Variants in ZSCAN26 observed in about 807,000 individuals in gnomAD.
ZSCAN26 encodes zinc finger and SCAN domain containing 26.
In ZSCAN26, 26 loss-of-function variants were observed where a neutral mutation model predicts 23.0. The ratio of observed to expected loss-of-function variants is 1.13; its 90% CI spans 0.83 to 1.57. The LOEUF (loss-of-function observed/expected upper bound fraction) is 1.57. Ranked by LOEUF, ZSCAN26 falls within the 40% of genes most tolerant of loss-of-function variation. The probability of loss-of-function intolerance (pLI) is 0.00; values close to 1 mark genes in which losing one functional copy is unlikely to be tolerated. For missense variants in ZSCAN26, 528 were observed against 568.5 expected, an observed-to-expected ratio of 0.93 and a Z score of 0.72; for synonymous variants, 180 against 202.5, an observed-to-expected ratio of 0.89 and a Z score of 0.94.
chr6:28,275,935 G>C (rs1298018059), intron 3 of ZSCAN26, among the ~76,000 whole-genome samples: 3 of 152,062 alleles, frequency 2.0e-5, no homozygotes, highest in African/African-American at 7.2e-5. Flanking sequence ...TAGCTTCTCT[G>C]TGTGTGGTAT....
intron 3 of ZSCAN26, among the ~76,000 whole-genome samples, chr6:28,274,134 A>G (rs1019182451): frequency 6.8e-6 from 1 of 146,600 alleles, no homozygotes; most frequent in African/African-American, 2.5e-5. Context: ...TGCAGTTTCT[A>G]GTTTGCTTCT....
At chr6:28,273,016 G>A (rs973915061) in intron 3 of ZSCAN26, among the ~76,000 whole-genome samples, 1 of 152,200 alleles carries the variant, frequency 6.6e-6, no homozygotes, top group Non-Finnish European at 1.5e-5. Flanking sequence ...CAAGAGATAA[G>A]AGATATCTAT....
At chr6:28,274,524 G>C (rs1054345421) in intron 3 of ZSCAN26, among the ~76,000 whole-genome samples, 2 of 152,234 alleles carry the variant, frequency 1.3e-5, no homozygotes, top group East Asian at 3.8e-4. Context: ...AGGATTGCTT[G>C]AAGCCAGATG....
chr6:28,274,128 G>T (rs1188388809), intron 3 of ZSCAN26, among the ~76,000 whole-genome samples: 2 of 150,764 alleles, frequency 1.3e-5, no homozygotes, highest in Non-Finnish European at 3.0e-5. Context: ...TTATATTGCA[G>T]TTTCTAGTTT....
chr6:28,272,075 A>G lies in ZSCAN26; in HGVS notation c.156A>G (p.Lys52=), dbSNP rs1347645902. 1.3e-6 allele frequency: 2 copies of G among 1,565,736 alleles called. No individual in the cohort carries two copies. ...GCCTTGGACAGGAGCCATTGTGCAA[A>G]CAATTCAGGCAGTTGCGTTATGAAG... ...SKGLGQEPLC[K]QFRQLRYEET... Residue 52 remains lysine, a synonymous_variant, in exon 2 of 4, where the codon AAA becomes AAG. Transcript: ENST00000421553.
chr6:28,277,864 C>T lies in ZSCAN26; in HGVS notation c.*768C>T, dbSNP rs980152128. On this transcript the variant is annotated 3_prime_UTR_variant, in exon 4 of 4. Coordinates refer to ENST00000421553, the MANE Select transcript of ZSCAN26 (RefSeq NM_001023560.4). ...ATAGCAACTGTCTGACTTGATAACTCCAGTGCCAGTATAGTGGCTGCTGCA... is the reference window on the plus strand; with the variant it reads ...ATAGCAACTGTCTGACTTGATAACTTCAGTGCCAGTATAGTGGCTGCTGCA... 1 of 152,194 alleles carries T rather than the reference C, an allele frequency of 6.6e-6. No homozygotes were observed. Among genetic ancestry groups the T allele is most frequent in the Non-Finnish European group, 1.5e-5 (1 of 68,040 alleles). 9.4% of individuals were successfully genotyped at this position (152,194 alleles called of 1,614,324 possible).
Position 28,276,831 on chromosome 6 carries a change from C to A in ZSCAN26, c.1175C>A (p.Ser392Tyr). The A allele has an allele frequency of 6.2e-7, 1 of 1,613,906 alleles. No individual in the cohort carries two copies. Among genetic ancestry groups the A allele is most frequent in the Non-Finnish European group, 8.5e-7 (1 of 1,179,870 alleles). ...LTHHQRIHSHSKSHQCNECGK... is the reference protein window; with the variant it reads ...LTHHQRIHSHYKSHQCNECGK... The stretch of plus-strand genomic sequence containing the variant: ...CACCATCAGAGAATCCATAGTCACT[C>A]CAAAAGCCATCAATGTAACGAGTGT... Residue 392 changes from serine to tyrosine, a missense_variant, in exon 4 of 4, where the codon TCC becomes TAC. Physicochemically the swap from Ser to Tyr is moderately radical, Grantham distance 144 (BLOSUM62 -2). Transcript: ENST00000421553.
chr6:28,273,497 C>T (rs1190403063), intron 3 of ZSCAN26, among the ~76,000 whole-genome samples: 3 of 151,718 alleles, frequency 2.0e-5, no homozygotes, highest in African/African-American at 4.8e-5. Flanking sequence ...GCTGAGATCA[C>T]GCCACTACAC....
intron 1 of ZSCAN26, among the ~76,000 whole-genome samples, chr6:28,269,659 G>A (rs934947204): frequency 6.6e-6 from 1 of 152,118 alleles, no homozygotes; most frequent in Non-Finnish European, 1.5e-5. Flanking sequence ...AAAAGCTGAT[G>A]ATTCAGTTTG....
rs1205878867 is a variant in ZSCAN26, at chr6:28,267,145, A to C, written c.-135A>C. 1 of 152,110 alleles carries C rather than the reference A, an allele frequency of 6.6e-6. No homozygotes were observed. The highest frequency in any genetic ancestry group is 1.5e-5 in the Non-Finnish European group (1 of 68,046). The allele number at this position is 152,110 out of a possible 1,614,324, so 9.4% of individuals were successfully genotyped here. On this transcript the variant is annotated 5_prime_UTR_variant, in exon 1 of 4. Coordinates refer to ENST00000421553, the MANE Select transcript of ZSCAN26 (RefSeq NM_001023560.4). ...AGAAGAAAGCGCTCCGAAGAGCTAG[A>C]GCTGACACTCGGCGATGAGCTAAGA...
intron 3 of ZSCAN26, 133 bp from the exon 4 acceptor site, chr6:28,276,062 G>C: frequency 1.4e-6 from 1 of 734,070 alleles, no homozygotes; most frequent in South Asian, 2.1e-5. Flanking sequence ...ACTATTTTAC[G>C]CAATCACAAG....
At chr6:28,272,579 C>T (rs760221715) in intron 2 of ZSCAN26, 91 bp from the exon 3 acceptor site, 34 of 1,157,928 alleles carry the variant, frequency 2.9e-5, no homozygotes, top group Non-Finnish European at 4.0e-5. Context: ...TCTCTTTCTT[C>T]TCTTTTTTAA....
intron 3 of ZSCAN26, 98 bp from the exon 4 acceptor site, chr6:28,276,097 C>A: frequency 9.0e-7 from 1 of 1,115,082 alleles, no homozygotes; most frequent in African/African-American, 1.6e-5. Context: ...TTACTTTGCA[C>A]ACATGGCTTC....
intron 1 of ZSCAN26, among the ~76,000 whole-genome samples, chr6:28,268,824 C>G (rs1405831277): frequency 6.6e-6 from 1 of 152,136 alleles, no homozygotes; most frequent in Non-Finnish European, 1.5e-5. Context: ...AATTCAGCCT[C>G]ATACCCAGCC....
intron 2 of ZSCAN26, 73 bp from the exon 3 acceptor site, chr6:28,272,597 G>A: frequency 8.0e-7 from 1 of 1,244,114 alleles, no homozygotes; most frequent in Non-Finnish European, 1.1e-6. Flanking sequence ...TAACACCTAG[G>A]TGTTTTACTG....
chr6:28,271,041 C>T (rs535291823), intron 1 of ZSCAN26, among the ~76,000 whole-genome samples: 1 of 152,312 alleles, frequency 6.6e-6, no homozygotes, highest in East Asian at 1.9e-4. Flanking sequence ...GTTACTTGCC[C>T]CAGGTCACAA....
At chr6:28,273,687 A>ATT (rs201094186) in intron 3 of ZSCAN26, among the ~76,000 whole-genome samples, 12 of 137,882 alleles carry the variant, frequency 8.7e-5, no homozygotes, top group African/African-American at 2.1e-4. Flanking sequence ...CGTCACCTGG[A>ATT]TTTTTTTTTT....
intron 3 of ZSCAN26, among the ~76,000 whole-genome samples, chr6:28,274,577 C>CA (rs1422841514): frequency 3.3e-5 from 5 of 152,072 alleles, no homozygotes; most frequent in Admixed American, 1.3e-4. Context: ...CTGTCCTCTA[C>CA]AAAAAATAAA....
chr6:28,276,514 T>C lies in ZSCAN26; in HGVS notation c.858T>C (p.His286=). 3 of 1,613,906 alleles carry C rather than the reference T, an allele frequency of 1.9e-6. No homozygotes were observed. The highest frequency in any genetic ancestry group is 2.5e-6 in the Non-Finnish European group (3 of 1,179,844). The change falls in exon 4 of 4, where the codon CAT becomes CAC. Residue 286 remains histidine, a synonymous_variant. Coordinates refer to ENST00000421553, the MANE Select transcript of ZSCAN26 (RefSeq NM_001023560.4). ...CTAGAGAGAAAGGTCATCAGTGTCA[T>C]GAGTGTGGGAAAGCCTTTCAGAGGA... ...VLSREKGHQC[H]ECGKAFQRSS...
Sources: gnomAD v4.1 joint callset for allele counts (sites outside exome capture counted in the v4.1 genomes callset) on GRCh38, gnomAD v4.1.1 for gene constraint, MANE v1.5 for transcripts, NCBI Gene and HGNC (gene_info 2026-07-23, HGNC 2026-07-21) for gene names.